Variants in ERC2 observed in about 807,000 individuals in gnomAD.
ERC2 encodes ELKS/RAB6-interacting/CAST family member 2, also known as ERC protein 2.
ERC2 carries 42 observed loss-of-function variants against 114.8 expected under a neutral mutation model. That is an observed-to-expected ratio of 0.37 (90% CI 0.29 to 0.47). The LOEUF (loss-of-function observed/expected upper bound fraction) is 0.47. ERC2 is among the 20% of genes least tolerant of loss of function. The pLI is 0.99. For missense variants in ERC2, 939 were observed against 1,150.7 expected (o/e 0.82, Z 2.66); for synonymous variants, 454 against 425.5 (o/e 1.07, Z -0.82).
intron 14 of ERC2, among the ~76,000 whole-genome samples, chr3:55,790,622 C>A (rs1304269568): frequency 2.6e-5 from 4 of 152,204 alleles, no homozygotes; most frequent in South Asian, 4.1e-4. Flanking sequence ...ACCCTACTAT[C>A]CCCCACCTCC....
chr3:55,663,827 A>C (rs571923207), intron 17 of ERC2, among the ~76,000 whole-genome samples: 2 of 152,356 alleles, frequency 1.3e-5, no homozygotes, highest in African/African-American at 4.8e-5. Flanking sequence ...ACTGTCCCCC[A>C]GGACTCTAAG....
chr3:56,348,524 CAATATTT>C (rs916995318), intron 2 of ERC2, among the ~76,000 whole-genome samples: 4 of 146,120 alleles, frequency 2.7e-5, no homozygotes, highest in African/African-American at 7.4e-5. Flanking sequence ...ATATATACTA[CAATATTT>C]AATATTTAAT....
chr3:56,192,593 G>A (rs1164705534), intron 3 of ERC2, among the ~76,000 whole-genome samples: 2 of 152,138 alleles, frequency 1.3e-5, no homozygotes, highest in African/African-American at 2.4e-5. Flanking sequence ...AGCAGCTGAT[G>A]TGATTTAAAC....
intron 3 of ERC2, among the ~76,000 whole-genome samples, chr3:56,232,134 C>CT (rs1201613428): frequency 0.068 from 8,714 of 128,086 alleles, 341 homozygotes; most frequent in Middle Eastern, 0.1. Context: ...CCACTCCTGG[C>CT]TTTTTTTTTT....
At chr3:56,173,836 T>A (rs2082819882) in intron 3 of ERC2, 2 of 262,702 alleles carry the variant, frequency 7.6e-6, no homozygotes, top group African/African-American at 4.5e-5. Context: ...AAATCATAAT[T>A]TACTAAATTA....
At chr3:56,261,838 T>C in intron 3 of ERC2, among the ~76,000 whole-genome samples, 1 of 152,226 alleles carries the variant, frequency 6.6e-6, no homozygotes, top group Non-Finnish European at 1.5e-5. Flanking sequence ...CCATTATTTA[T>C]TTTTCCTGAT....
intron 17 of ERC2, among the ~76,000 whole-genome samples, chr3:55,583,440 T>G (rs2057388872): frequency 8.5e-6 from 1 of 117,638 alleles, no homozygotes; most frequent in Non-Finnish European, 1.8e-5. Flanking sequence ...CCTTCCTTCC[T>G]TCCTCCCTCC....
At chr3:56,442,379 C>G (rs2062359416) in intron 1 of ERC2, among the ~76,000 whole-genome samples, 1 of 152,124 alleles carries the variant, frequency 6.6e-6, no homozygotes, top group Non-Finnish European at 1.5e-5. Flanking sequence ...ACCCCCTCGC[C>G]TGGCAAATTT....
intron 17 of ERC2, among the ~76,000 whole-genome samples, chr3:55,526,298 C>T (rs2053315255): frequency 6.6e-6 from 1 of 152,186 alleles, no homozygotes; most frequent in Non-Finnish European, 1.5e-5. Context: ...TTAAGCCAAC[C>T]AGTTTGTGGT....
intron 17 of ERC2, among the ~76,000 whole-genome samples, chr3:55,584,800 A>C (rs935820704): frequency 1.3e-5 from 2 of 152,136 alleles, no homozygotes; most frequent in African/African-American, 2.4e-5. Flanking sequence ...TTGACAGGGG[A>C]GCACCACCAG....
chr3:56,192,978 A>G (rs2047884357), intron 3 of ERC2, among the ~76,000 whole-genome samples: 2 of 152,190 alleles, frequency 1.3e-5, no homozygotes, highest in South Asian at 4.1e-4. Flanking sequence ...CAGAGGAATT[A>G]TTTGAGCTGC....
intron 4 of ERC2, among the ~76,000 whole-genome samples, chr3:56,170,103 G>T (rs1458117999): frequency 2.6e-5 from 4 of 152,204 alleles, no homozygotes; most frequent in African/African-American, 9.7e-5. Flanking sequence ...CACACACAGT[G>T]TTCTAAGTGC....
chr3:55,537,218 C>G lies in ERC2; in HGVS notation c.*40-25942G>C, dbSNP rs143863083. On this transcript the variant is annotated intron_variant, in intron 17 of 17. Transcript: ENST00000288221. The stretch of plus-strand genomic sequence containing the variant: ...TTCCACAAGAAGTCTCCCCTCACAG[C>G]CATGCTGGGTGCCACAAGCAATCAA... 3.9e-5 allele frequency among the ~76,000 whole-genome samples: 6 copies of G among 152,244 alleles called. No individual in the cohort carries two copies. The East Asian group carries it at 1.2e-3, about 30-fold the overall frequency.
chr3:56,129,631 C>T (rs1047984945), intron 6 of ERC2, among the ~76,000 whole-genome samples: 4 of 152,124 alleles, frequency 2.6e-5, no homozygotes, highest in Non-Finnish European at 5.9e-5. Flanking sequence ...CAGTAAGTAA[C>T]ACTTAGCAGA....
chr3:56,173,892 A>G, intron 3 of ERC2: 1 of 183,686 alleles, frequency 5.4e-6, no homozygotes, highest in Non-Finnish European at 1.1e-5. Context: ...AAACAGAGGA[A>G]AGAAAATGAC....
intron 7 of ERC2, among the ~76,000 whole-genome samples, chr3:56,076,228 T>C (rs1215996663): frequency 3.9e-5 from 6 of 152,166 alleles, no homozygotes; most frequent in Non-Finnish European, 7.4e-5. Flanking sequence ...ACATTGTTTA[T>C]GGGACTAAGG....
At chr3:56,352,203 T>C (rs2058580312) in intron 2 of ERC2, among the ~76,000 whole-genome samples, 1 of 152,200 alleles carries the variant, frequency 6.6e-6, no homozygotes, top group Admixed American at 6.5e-5. Flanking sequence ...GGAAAGATAT[T>C]TAGACTGGAG....
intron 14 of ERC2, among the ~76,000 whole-genome samples, chr3:55,738,590 A>G (rs1186970781): frequency 6.6e-6 from 1 of 151,986 alleles, no homozygotes; most frequent in African/African-American, 2.4e-5. Flanking sequence ...CACACACACA[A>G]TGTCTGATAC....
intron 2 of ERC2, among the ~76,000 whole-genome samples, chr3:56,351,313 T>A (rs2058544440): frequency 6.6e-6 from 1 of 152,070 alleles, no homozygotes; most frequent in African/African-American, 2.4e-5. Flanking sequence ...AACTACTAGA[T>A]GACATAAAAT....
Sources: gnomAD v4.1 joint callset for allele counts (sites outside exome capture counted in the v4.1 genomes callset) on GRCh38, gnomAD v4.1.1 for gene constraint, MANE v1.5 for transcripts, NCBI Gene and HGNC (gene_info 2026-07-23, HGNC 2026-07-21) for gene names.